The following RASA3 variants were observed in gnomAD, a reference collection of about 807,000 sequenced individuals.
The protein encoded by RASA3 is RAS p21 protein activator 3.
RASA3 carries 73 observed loss-of-function variants against 110.0 expected under a neutral mutation model. The observed-to-expected ratio is 0.66, with a 90% CI of 0.55 to 0.81. RASA3 has a LOEUF of 0.81. Among genes scored for constraint, RASA3 ranks in the 30% least tolerant of loss-of-function variants. The pLI, the probability that RASA3 is intolerant of heterozygous loss-of-function variation, is 0.00. For synonymous variants in RASA3, 500 were observed against 451.4 expected, an observed-to-expected ratio of 1.11 and a Z score of -1.37; for missense variants, 976 against 1,113.2, an observed-to-expected ratio of 0.88 and a Z score of 1.75.
chr13:114,023,449 A>C (rs1478668350), intron 8 of RASA3, among the ~76,000 whole-genome samples: 1 of 152,190 alleles, frequency 6.6e-6, no homozygotes, highest in Non-Finnish European at 1.5e-5. Context: ...CGGGGGCTTC[A>C]GGGGAGGCTC....
intron 3 of RASA3, among the ~76,000 whole-genome samples, chr13:114,041,860 T>A (rs1192565349): frequency 2.6e-5 from 4 of 152,094 alleles, no homozygotes; most frequent in Admixed American, 2.0e-4. Context: ...AGCCTGAAAG[T>A]GTAGATTCCT....
Position 113,977,900 on chromosome 13 carries a change from GC to G in RASA3, c.*1446del, listed in dbSNP as rs1479234610. On this transcript the variant is annotated 3_prime_UTR_variant, in exon 24 of 24. Transcript: ENST00000334062. Reference sequence around the variant, plus strand: ...ATGTTAAAAATTGCAGCTCAGTGCAGCCCCAACAGCTGTGTGTCCAAAAGTC... The same window carrying G: ...ATGTTAAAAATTGCAGCTCAGTGCAGCCCAACAGCTGTGTGTCCAAAAGTC... 1.3e-5 allele frequency: 2 copies of G among 152,390 alleles called. No homozygotes were observed. Among genetic ancestry groups the G allele is most frequent in the African/African-American group, 4.8e-5 (2 of 41,456 alleles). The allele number at this position is 152,390 out of a possible 1,614,324, so 9.4% of individuals were successfully genotyped here.
intron 1 of RASA3, among the ~76,000 whole-genome samples, chr13:114,117,624 G>A (rs1274471734): frequency 7.3e-6 from 1 of 136,810 alleles, no homozygotes; most frequent in South Asian, 2.4e-4. Context: ...AGGGGTGCAC[G>A]TGTCTGAGGG....
Position 114,055,357 on chromosome 13 carries a change from C to T in RASA3, c.174-3202G>A, listed in dbSNP as rs566097081. Among the ~76,000 whole-genome samples, 7 of 152,356 alleles carry T rather than the reference C, an allele frequency of 4.6e-5. No individual in the cohort carries two copies. The South Asian group carries it at 1.4e-3, about 32-fold the overall frequency. ...CGCAGGGGTCGTGACCCTGCCTCCACCCTGTGTAAAGTCACAGCTGCAGGA... is the reference window on the plus strand; with the variant it reads ...CGCAGGGGTCGTGACCCTGCCTCCATCCTGTGTAAAGTCACAGCTGCAGGA... On this transcript the variant is annotated intron_variant, in intron 2 of 23. Transcript: ENST00000334062.
rs2054052687 is a variant in RASA3, at chr13:114,027,693, G to A, written c.530+154C>T. 4.4e-6 allele frequency: 4 copies of A among 910,576 alleles called. No individual in the cohort carries two copies. In the Admixed American group the frequency reaches 8.6e-5, roughly 19 times the overall value. 56.4% of individuals were successfully genotyped at this position (910,576 alleles called of 1,614,324 possible). On this transcript the variant is annotated intron_variant, in intron 6 of 23. Transcript: ENST00000334062. ...TCATTTTCTACAAAGCAATTTTGGA[G>A]CAATAAAGAAAACAAAAGGAAGTAA... is the stretch of plus-strand genomic sequence containing the variant.
Position 114,049,425 on chromosome 13 carries a change from T to A in RASA3, c.277+2627A>T, listed in dbSNP as rs2079107253. ...CACCAAGAACTACTAGCAGACGACG[T>A]CAACAGAATGATTAATAAACATCTT... On this transcript the variant is annotated intron_variant, in intron 3 of 23. Transcript: ENST00000334062. Among the ~76,000 whole-genome samples the A allele has an allele frequency of 3.9e-5, 6 of 152,138 alleles. No individual in the cohort carries two copies. In the South Asian group the frequency reaches 1.2e-3, roughly 32 times the overall value.
Position 114,045,488 on chromosome 13 carries a change from G to C in RASA3, c.278-4394C>G, listed in dbSNP as rs1029542269. On this transcript the variant is annotated intron_variant, in intron 3 of 23. Transcript: ENST00000334062. ...ACAGCCACAGGACACAACTGAGCAA[G>C]AGCTGCCCGAGACAGGGAATGCGGC... Among the ~76,000 whole-genome samples the C allele has an allele frequency of 3.9e-5, 6 of 152,332 alleles. 1 individual carries two copies. In the South Asian group the frequency reaches 1.2e-3, roughly 32 times the overall value.
intron 1 of RASA3, chr13:114,108,845 C>G (rs2080176574): frequency 6.6e-6 from 1 of 152,264 alleles, no homozygotes; most frequent in Admixed American, 6.5e-5. Flanking sequence ...CAAGGAAGAT[C>G]CAACTTAACA....
chr13:114,110,714 C>A (rs1232271230), intron 1 of RASA3, among the ~76,000 whole-genome samples: 1 of 152,262 alleles, frequency 6.6e-6, no homozygotes, highest in Non-Finnish European at 1.5e-5. Flanking sequence ...GCATGACACG[C>A]ACATCACAGC....
At chr13:114,092,087 A>G (rs1181345585) in intron 1 of RASA3, among the ~76,000 whole-genome samples, 2 of 150,350 alleles carry the variant, frequency 1.3e-5, no homozygotes, top group South Asian at 2.1e-4. Flanking sequence ...GTCTAGCTAG[A>G]GCTTTGTCAA....
chr13:114,103,921 CCGA>C (rs2080094835), intron 1 of RASA3, among the ~76,000 whole-genome samples: 1 of 104,804 alleles, frequency 9.5e-6, no homozygotes, highest in Non-Finnish European at 2.0e-5. Flanking sequence ...ACACCCACCC[CCGA>C]TGCGTCCACG....
intron 14 of RASA3, 62 bp from the exon 15 acceptor site, chr13:114,013,310 A>G (rs1471125378): frequency 2.3e-6 from 3 of 1,289,890 alleles, no homozygotes; most frequent in East Asian, 2.4e-5. Flanking sequence ...TGGGGACACC[A>G]TGCCCCGGCC....
intron 1 of RASA3, among the ~76,000 whole-genome samples, chr13:114,076,300 C>G (rs1318108178): frequency 6.6e-6 from 1 of 152,204 alleles, no homozygotes; most frequent in Non-Finnish European, 1.5e-5. Context: ...TGAGTATTTC[C>G]TGATAGGCAC....
At chr13:113,996,087 G>GCCCGGCTGATGGGGGGC (rs2053249620) in intron 21 of RASA3, among the ~76,000 whole-genome samples, 1 of 141,632 alleles carries the variant, frequency 7.1e-6, no homozygotes, top group East Asian at 2.1e-4. Flanking sequence ...CTGATGGGGG[G>GCCCGGCTGATGGGGGGC]CCCGGCTGAT....
At chr13:114,083,423 C>T (rs182952274) in intron 1 of RASA3, among the ~76,000 whole-genome samples, 5 of 152,348 alleles carry the variant, frequency 3.3e-5, no homozygotes, top group East Asian at 3.9e-4. Context: ...AGCAGGGCCC[C>T]GTTCAGAGGC....
At chr13:114,120,803 C>T (rs757990429) in intron 1 of RASA3, among the ~76,000 whole-genome samples, 40 of 152,360 alleles carry the variant, frequency 2.6e-4, no homozygotes, top group Admixed American at 1.4e-3. Context: ...TCACCAGGCA[C>T]GGGTGAGGAG....
At chr13:114,083,132 C>A (rs2079808804) in intron 1 of RASA3, among the ~76,000 whole-genome samples, 1 of 152,230 alleles carries the variant, frequency 6.6e-6, no homozygotes. Flanking sequence ...ACTGGGAATG[C>A]TGGCGCTTCA....
chr13:113,990,270 G>C lies in RASA3; in HGVS notation c.2245+2215C>G, dbSNP rs2053076902. On this transcript the variant is annotated intron_variant, in intron 22 of 23. Transcript: ENST00000334062. ...ACCAGGCTATGGGGATGGTGAGGTT[G>C]GGAAGCGCCTGGAGGAAGACACTTC... Among the ~76,000 whole-genome samples, 6 of 152,040 alleles carry C rather than the reference G, an allele frequency of 3.9e-5. No individual in the cohort carries two copies. In the South Asian group the frequency reaches 1.2e-3, roughly 32 times the overall value.
rs534190459 is a variant in RASA3, at chr13:114,057,989, G to A, written c.174-5834C>T. ...TGGGAGGTCGGAGTCCCGGAGGTGG[G>A]TGGGGGTGGTGAGTTCCCAGGTCAC... On this transcript the variant is annotated intron_variant, in intron 2 of 23. Coordinates refer to ENST00000334062, the MANE Select transcript of RASA3 (RefSeq NM_007368.4). This position sits in a 1 kb window ranked among gnomAD's most constrained non-coding sequence, Gnocchi z 5.0. Among the ~76,000 whole-genome samples the A allele has an allele frequency of 4.6e-5, 7 of 152,306 alleles. No individual in the cohort carries two copies. Among genetic ancestry groups the A allele is most frequent in the South Asian group, 2.1e-4 (1 of 4,828 alleles).
Sources: gnomAD v4.1 joint callset for allele counts (sites outside exome capture counted in the v4.1 genomes callset) on GRCh38, gnomAD v4.1.1 for gene constraint, Gnocchi (gnomAD v3.1) non-coding constraint, MANE v1.5 for transcripts, NCBI Gene and HGNC (gene_info 2026-07-23, HGNC 2026-07-21) for gene names.